The following ATP5F1B variants were observed in gnomAD, a reference collection of about 807,000 sequenced individuals.
The protein encoded by ATP5F1B is ATP synthase F(1) complex subunit beta, mitochondrial.
ATP5F1B carries 17 observed loss-of-function variants against 45.9 expected under a neutral mutation model. The observed-to-expected ratio is 0.37, with a 90% CI of 0.25 to 0.56. ATP5F1B has a LOEUF of 0.56. ATP5F1B is among the 20% of genes least tolerant of loss of function. ATP5F1B has a pLI of 0.80. For missense variants in ATP5F1B, 387 were observed against 673.2 expected, an observed-to-expected ratio of 0.57 and a Z score of 4.70; for synonymous variants, 218 against 256.5, an observed-to-expected ratio of 0.85 and a Z score of 1.43.
At chr12:56,645,408 G>A in intron 1 of ATP5F1B, 55 bp from the exon 2 acceptor site, 1 of 1,547,214 alleles carries the variant, frequency 6.5e-7, no homozygotes, top group Non-Finnish European at 8.8e-7. Context: ...AAAGGTCATC[G>A]GAAGCCAGGA....
chr12:56,645,777 C>T, intron 1 of ATP5F1B, 60 bp downstream of exon 1: 1 of 1,583,020 alleles, frequency 6.3e-7, no homozygotes, highest in Non-Finnish European at 8.6e-7. Flanking sequence ...ACCATCGTTC[C>T]CCGGCTCAAG....
chr12:56,639,589 G>A (rs1340625244), intron 8 of ATP5F1B, among the ~76,000 whole-genome samples: 2 of 151,962 alleles, frequency 1.3e-5, no homozygotes, highest in African/African-American at 4.8e-5. Flanking sequence ...CTGACCAACT[G>A]ATGAAACCTG....
In ATP5F1B at chr12:56,645,826, A is replaced by G. The variant is rs1951545454; in HGVS notation, c.127+11T>C. ...AAAATGGAACGTTAGCTCCTAGAGA[A>G]AAGCACTTACCAGGATGGACCGCCG... On this transcript the variant is annotated intron_variant, in intron 1 of 9. Transcript: ENST00000262030. 21 of 1,607,586 alleles carry G rather than the reference A, an allele frequency of 1.3e-5. No individual in the cohort carries two copies. In the East Asian group the frequency reaches 4.5e-4, roughly 34 times the overall value.
chr12:56,645,818 C>G lies in ATP5F1B; in HGVS notation c.127+19G>C. The G allele has an allele frequency of 6.2e-7, 1 of 1,605,940 alleles. No homozygotes were observed. The highest frequency in any genetic ancestry group is 8.5e-7 in the Non-Finnish European group (1 of 1,176,356). ...GGGGCGGCAAAATGGAACGTTAGCT[C>G]CTAGAGAAAAGCACTTACCAGGATG... On this transcript the variant is annotated intron_variant, in intron 1 of 9. Transcript: ENST00000262030.
intron 6 of ATP5F1B, 42 bp downstream of exon 6, chr12:56,642,631 A>G (rs779338647): frequency 6.2e-7 from 1 of 1,614,034 alleles, no homozygotes. Context: ...TCATCCGAAG[A>G]AAGGCCAGAT....
At chr12:56,639,543 G>A in intron 8 of ATP5F1B, 1 of 513,710 alleles carries the variant, frequency 1.9e-6, no homozygotes, top group Non-Finnish European at 3.5e-6. Context: ...GGAGGCCACG[G>A]TGGGTGGATC....
chr12:56,645,179 T>C lies in ATP5F1B; in HGVS notation c.302A>G (p.Gln101Arg). Residue 101 changes from glutamine to arginine, a missense_variant, in exon 2 of 10, where the codon CAG becomes CGG. Physicochemically the swap from Gln to Arg is conservative, Grantham distance 43. Coordinates refer to ENST00000262030, the MANE Select transcript of ATP5F1B (RefSeq NM_001686.4). ...RETRLVLEVA[Q>R]HLGESTVRTI... The stretch of plus-strand genomic sequence containing the variant: ...TAACAAACTCTACTTACCCAAATGC[T>C]GGGCCACCTCCAAAACCAGTCTGGT... 2.5e-6 allele frequency: 4 copies of C among 1,614,112 alleles called. No individual in the cohort carries two copies. The highest frequency in any genetic ancestry group is 1.6e-4 in the Middle Eastern group (1 of 6,062).
rs933537224 is a variant in ATP5F1B at position 56,640,185 on chromosome 12, T to C, written c.1082A>G (p.Tyr361Cys). 6.2e-7 allele frequency: 1 copy of C among 1,613,092 alleles called. No individual in the cohort carries two copies. The part of the protein sequence containing the change: ...KGSITSVQAI[Y>C]VPADDLTDPA... ...GTCAGTCAAGTCATCAGCAGGCACATAGATAGCCTAAAGTGAGATCCCATG... is the reference window on the plus strand; with the variant it reads ...GTCAGTCAAGTCATCAGCAGGCACACAGATAGCCTAAAGTGAGATCCCATG... Residue 361 changes from tyrosine to cysteine, a missense_variant, in exon 8 of 10, where the codon TAT (tyrosine) becomes TGT (cysteine). Tyr to Cys is a radical substitution (Grantham distance 194). This residue lies in a region of ATP5F1B where 154 missense variants were observed against 361.4 expected (regional missense o/e 0.43). Coordinates refer to ENST00000262030, the MANE Select transcript of ATP5F1B (RefSeq NM_001686.4).
At chr12:56,644,378 TG>T (rs906123916) in intron 3 of ATP5F1B, among the ~76,000 whole-genome samples, 9 of 91,444 alleles carry the variant, frequency 9.8e-5, no homozygotes, top group African/African-American at 1.6e-4. Context: ...GGGGCCGAGG[TG>T]GGGGGGGAAT....
rs745841573 is a variant in ATP5F1B, at chr12:56,638,295, G to T, written c.*28C>A. The T allele has an allele frequency of 6.3e-7, 1 of 1,589,350 alleles. No individual in the cohort carries two copies. The highest frequency in any genetic ancestry group is 2.2e-5 in the East Asian group (1 of 44,766). ...AAGCTTTTTGGGTTAGGGGCAAGGA[G>T]AGAGACAGTACAGAGGACAAAGACC... On this transcript the variant is annotated 3_prime_UTR_variant, in exon 10 of 10. Transcript: ENST00000262030.
chr12:56,638,777 T>G (rs1196030847), intron 9 of ATP5F1B, among the ~76,000 whole-genome samples: 3 of 152,118 alleles, frequency 2.0e-5, no homozygotes, highest in Non-Finnish European at 4.4e-5. Context: ...GTGCCTGTAA[T>G]CCCAGCTACT....
At position 56,645,937 on chromosome 12, in the gene ATP5F1B, G is replaced by T. The variant is rs371408519; in HGVS notation, c.27C>A (p.Ala9=). ...GCAAGGCCCCGGAGGCCGGAGCAGC[G>T]GCCACCCGACCCACAAACCCCAACA... is the stretch of plus-strand genomic sequence containing the variant. The part of the protein sequence containing the change: MLGFVGRV[A]AAPASGALRR... Residue 9 remains alanine (A), a synonymous_variant, in exon 1 of 10, where the codon GCC becomes GCA. Coordinates refer to ENST00000262030, the MANE Select transcript of ATP5F1B (RefSeq NM_001686.4). The T allele has an allele frequency of 4.4e-6, 7 of 1,605,848 alleles. No homozygotes were observed. Among genetic ancestry groups the T allele is most frequent in the Non-Finnish European group, 4.2e-6 (5 of 1,176,920 alleles).
chr12:56,639,542 G>A (rs1800638), intron 8 of ATP5F1B: 20,615 of 513,888 alleles, frequency 0.04, 1,374 homozygotes, highest in African/African-American at 0.21. Context: ...GGGAGGCCAC[G>A]GTGGGTGGAT....
At chr12:56,640,327 C>G (rs1951502739) in intron 7 of ATP5F1B, 135 bp from the exon 8 acceptor site, 2 of 705,370 alleles carry the variant, frequency 2.8e-6, no homozygotes, top group South Asian at 3.8e-5. Context: ...CTCCTGGATT[C>G]AAGCAATTCT....
Position 56,638,355 on chromosome 12 carries a change from C to G in ATP5F1B, c.1558G>C (p.Ala520Pro). 6.2e-7 allele frequency: 1 copy of G among 1,613,958 alleles called. No homozygotes were observed. The highest frequency in any genetic ancestry group is 8.5e-7 in the Non-Finnish European group (1 of 1,179,980). ...VGPIEEAVAK[A>P]DKLAEEHSS ...GAATGCTCTTCAGCCAGCTTATCAG[C>G]TTTTGCCACAGCTTCTTCAATGGGT... Residue 520 changes from alanine to proline, a missense_variant, in exon 10 of 10, where the codon GCT (alanine) becomes CCT (proline). Ala to Pro is a conservative substitution (Grantham distance 27). Coordinates refer to ENST00000262030, the MANE Select transcript of ATP5F1B (RefSeq NM_001686.4).
chr12:56,642,233 T>C (rs1394177558), intron 7 of ATP5F1B, among the ~76,000 whole-genome samples: 1 of 152,066 alleles, frequency 6.6e-6, no homozygotes, highest in African/African-American at 2.4e-5. Flanking sequence ...CCTGACCTCA[T>C]GATCCGCGTA....
chr12:56,642,130 G>T (rs1300870147), intron 7 of ATP5F1B, among the ~76,000 whole-genome samples: 1 of 151,750 alleles, frequency 6.6e-6, no homozygotes, highest in Admixed American at 6.6e-5. Flanking sequence ...TGAGTAGTTG[G>T]GATTACAGGC....
chr12:56,642,738 G>A lies in ATP5F1B; in HGVS notation c.886C>T (p.Gln296Ter). ...AATAGCAGTACATCTTGACCTTCTT[G>A]GTCTCTGAAGTATTCAGCCACAGTC... The part of the protein sequence containing the change: ...GLTVAEYFRD[Q>*]EGQDVLLFID... The change falls in exon 6 of 10, where the codon CAA becomes TAA. Residue 296 changes from glutamine to a stop codon, truncating the protein, a stop_gained. Transcript: ENST00000262030. LOFTEE classifies it high-confidence loss of function. The A allele has an allele frequency of 6.2e-7, 1 of 1,614,116 alleles. No individual in the cohort carries two copies. Among genetic ancestry groups the A allele is most frequent in the Non-Finnish European group, 8.5e-7 (1 of 1,180,020 alleles).
chr12:56,643,353 T>C, intron 5 of ATP5F1B, 50 bp downstream of exon 5: 1 of 1,484,692 alleles, frequency 6.7e-7, no homozygotes, highest in Non-Finnish European at 9.1e-7. Context: ...CAGTTGGCAA[T>C]AGTTTCCTGG....
Sources: gnomAD v4.1 joint callset for allele counts (sites outside exome capture counted in the v4.1 genomes callset) on GRCh38, gnomAD v4.1.1 for gene constraint, gnomAD v4.1.1 regional missense constraint, MANE v1.5 for transcripts, NCBI Gene and HGNC (gene_info 2026-07-23, HGNC 2026-07-21) for gene names.